RNF31: variants seen among roughly 807,000 people sequenced by gnomAD.
The protein encoded by RNF31 is ring finger protein 31, also known as E3 ubiquitin-protein ligase RNF31.
In RNF31, 38 loss-of-function variants were observed where a neutral mutation model predicts 133.6. The observed-to-expected ratio is 0.28, with a 90% CI of 0.22 to 0.37. The LOEUF (loss-of-function observed/expected upper bound fraction) is 0.37, where lower values mean the gene tolerates loss of function less well. Among genes scored for constraint, RNF31 ranks in the 10% least tolerant of loss-of-function variants. The probability of loss-of-function intolerance (pLI) is 1.00; values close to 1 mark genes in which losing one functional copy is unlikely to be tolerated. For synonymous variants in RNF31, 582 were observed against 552.3 expected, an observed-to-expected ratio of 1.05 and a Z score of -0.75; for missense variants, 1,118 against 1,394.1, an observed-to-expected ratio of 0.80 and a Z score of 3.15.
rs1050303096 is a variant in RNF31 at position 24,155,773 on chromosome 14, G to A, written c.2493+81G>A. ...TTAGACTCAGGGGAGTTTGTGTACT[G>A]GAGAGCAAAACAGACATGAGCTCTG... On this transcript the variant is annotated intron_variant, in intron 14 of 20. Transcript: ENST00000324103. The surrounding 1 kb of genome is among the most constrained non-coding windows in gnomAD (Gnocchi z 4.9). 5.7e-6 allele frequency: 7 copies of A among 1,238,462 alleles called. No individual in the cohort carries two copies. In the African/African-American group the frequency reaches 8.8e-5, roughly 16 times the overall value. The allele number at this position is 1,238,462 out of a possible 1,614,324, so 76.7% of individuals were successfully genotyped here. A position where few individuals can be genotyped will look rare whatever the true frequency, so the allele number is the denominator to read the frequency against.
Position 24,148,258 on chromosome 14 carries a change from G to T in RNF31, c.340G>T (p.Gly114Trp), listed in dbSNP as rs1256588440. 4 of 1,614,028 alleles carry T rather than the reference G, an allele frequency of 2.5e-6. No individual in the cohort carries two copies. The highest frequency in any genetic ancestry group is 2.2e-5 in the East Asian group (1 of 44,892). Residue 114 changes from glycine to tryptophan, a missense_variant and splice_region_variant, in exon 3 of 21, where the codon GGG becomes TGG. Around this residue, in one of 3 missense-constraint regions of RNF31, gnomAD observed 747 missense variants for 827.9 expected, o/e 0.90. Coordinates refer to ENST00000324103, the MANE Select transcript of RNF31 (RefSeq NM_017999.5). ...VFRSTVDAVQ[G>W]GRDVLRLYGY... ...GGTGACTCGTTTGAATGTGTGGCAG[G>T]GGGGCCGAGATGTGCTGCGATTATA...
Position 24,149,681 on chromosome 14 carries a change from A to T in RNF31, c.809+98A>T. 3 of 1,250,722 alleles carry T rather than the reference A, an allele frequency of 2.4e-6. No homozygotes were observed. In the East Asian group the frequency reaches 7.1e-5, roughly 30 times the overall value. 77.5% of individuals were successfully genotyped at this position (1,250,722 alleles called of 1,614,324 possible). ...CAGTTTCTGTGCTAAAGACTGTTTA[A>T]TAGAGGACAAGTAGCCAGTCAGAAC... On this transcript the variant is annotated intron_variant, in intron 6 of 20. Coordinates refer to ENST00000324103, the MANE Select transcript of RNF31 (RefSeq NM_017999.5).
chr14:24,146,961 A>G, upstream of RNF31: 1 of 291,886 alleles, frequency 3.4e-6, no homozygotes, highest in Non-Finnish European at 6.6e-6. Context: ...GGCTCCCCCA[A>G]GAAGGCTCGA....
Position 24,155,428 on chromosome 14 carries a change from A to C in RNF31, c.2319A>C (p.Leu773=), listed in dbSNP as rs370765247. ...CCTGTCCCCAGCTTCGCGAGAGCCT[A>C]GAGCCAGATGCCTATGCGTTGTTCC... ...STLDIQLRES[L]EPDAYALFHK... is the part of the protein sequence containing the mutation. Residue 773 remains leucine, a synonymous_variant, in exon 13 of 21, where the codon CTA becomes CTC. Transcript: ENST00000324103. This position sits in a 1 kb window ranked among gnomAD's most constrained non-coding sequence, Gnocchi z 4.9. The C allele has an allele frequency of 6.2e-7, 1 of 1,614,172 alleles. No homozygotes were observed.
chr14:24,160,067 G>T lies in RNF31; in HGVS notation c.2996+107G>T. 1 of 1,334,808 alleles carries T rather than the reference G, an allele frequency of 7.5e-7. No homozygotes were observed. Among genetic ancestry groups the T allele is most frequent in the Non-Finnish European group, 1.0e-6 (1 of 955,114 alleles). 82.7% of individuals were successfully genotyped at this position (1,334,808 alleles called of 1,614,324 possible). On this transcript the variant is annotated intron_variant, in intron 19 of 20. Transcript: ENST00000324103. This position sits in a 1 kb window ranked among gnomAD's most constrained non-coding sequence, Gnocchi z 4.0. ...TTGGGAGCAGTAGGTCTTGCAGTGG[G>T]TGGGAGGGAGGAGGCTTTCTGGGCA...
chr14:24,160,426 C>G lies in RNF31; in HGVS notation c.3165+19C>G. The stretch of plus-strand genomic sequence containing the variant: ...GTTACAGGTATAGCCTCCACCCAGC[C>G]TCATCTCTTAACCCACCCTACAGAA... On this transcript the variant is annotated intron_variant, in intron 20 of 20. Transcript: ENST00000324103. This position sits in a 1 kb window ranked among gnomAD's most constrained non-coding sequence, Gnocchi z 4.0. 1.2e-6 allele frequency: 2 copies of G among 1,611,170 alleles called. No individual in the cohort carries two copies. The highest frequency in any genetic ancestry group is 8.5e-7 in the Non-Finnish European group (1 of 1,177,788).
intron 14 of RNF31, among the ~76,000 whole-genome samples, chr14:24,156,455 C>T (rs905433486): frequency 6.6e-6 from 1 of 152,270 alleles, no homozygotes; most frequent in East Asian, 1.9e-4. Flanking sequence ...AGGCATGAGC[C>T]ACTATGCCCA....
At chr14:24,154,019 G>A (rs145964309) in intron 11 of RNF31, among the ~76,000 whole-genome samples, 4 of 152,156 alleles carry the variant, frequency 2.6e-5, no homozygotes, top group South Asian at 2.1e-4. Context: ...TTTTTGAGAC[G>A]GAGTCTCGCT....
In RNF31 at chr14:24,159,952, C is replaced by T. The variant is rs762703271; in HGVS notation, c.2988C>T (p.Gly996=). The T allele has an allele frequency of 3.1e-6, 5 of 1,613,576 alleles. No individual in the cohort carries two copies. The Admixed American group carries it at 8.3e-5, about 27-fold the overall frequency. Reference sequence around the variant, plus strand: ...AGGAAACTCCAGCTGGCTATGCCGGCCTGTGCCAGTGAGTGCCAGCAGGAC... The same window carrying T: ...AGGAAACTCCAGCTGGCTATGCCGGTCTGTGCCAGTGAGTGCCAGCAGGAC... ...CGKETPAGYA[G]LCQAHYKEYL... is the part of the protein sequence containing the mutation. The change falls in exon 19 of 21, where the codon GGC becomes GGT. Residue 996 remains glycine, a synonymous_variant. Transcript: ENST00000324103.
Position 24,160,555 on chromosome 14 carries a change from C to G in RNF31, c.3201C>G (p.Ile1067Met). 2 of 1,537,428 alleles carry G rather than the reference C, an allele frequency of 1.3e-6. No individual in the cohort carries two copies. The highest frequency in any genetic ancestry group is 1.4e-5 in the African/African-American group (1 of 72,584). Residue 1067 changes from isoleucine to methionine, a missense_variant, in exon 21 of 21, where the codon ATC (isoleucine) becomes ATG (methionine). This residue lies in a region of RNF31 where 170 missense variants were observed against 194.5 expected (regional missense o/e 0.87). Coordinates refer to ENST00000324103, the MANE Select transcript of RNF31 (RefSeq NM_017999.5). This position sits in a 1 kb window ranked among gnomAD's most constrained non-coding sequence, Gnocchi z 4.0. ...LTEEVPLGQSIPRRRK is the reference protein window; with the variant it reads ...LTEEVPLGQSMPRRRK ...AAGAGGTACCCTTGGGACAGAGTATCCCCCGCAGGCGGAAGTAGCTGAGGG... is the reference window on the plus strand; with the variant it reads ...AAGAGGTACCCTTGGGACAGAGTATGCCCCGCAGGCGGAAGTAGCTGAGGG...
chr14:24,148,262 G>A lies in RNF31; in HGVS notation c.344G>A (p.Gly115Asp). ...ACTCGTTTGAATGTGTGGCAGGGGG[G>A]CCGAGATGTGCTGCGATTATATGGC... ...FRSTVDAVQGGRDVLRLYGYT... is the reference protein window; with the variant it reads ...FRSTVDAVQGDRDVLRLYGYT... The change falls in exon 3 of 21, where the codon GGC (glycine) becomes GAC (aspartate). Residue 115 changes from glycine to aspartate, a missense_variant. Gly to Asp is a moderately conservative substitution (Grantham distance 94). Transcript: ENST00000324103. 1.2e-6 allele frequency: 2 copies of A among 1,614,156 alleles called. No individual in the cohort carries two copies. The highest frequency in any genetic ancestry group is 1.7e-6 in the Non-Finnish European group (2 of 1,180,032).
chr14:24,151,223 A>C lies in RNF31; in HGVS notation c.1581A>C (p.Glu527Asp). ...TEVPLQWLRS[E>D]LPYVLEMVAE... is the part of the protein sequence containing the mutation. ...TGCCTCTGCAGTGGTTGCGCTCAGA[A>C]CTGCCCTACGTCCTGGAGATGGTGG... Residue 527 changes from glutamate to aspartate, a missense_variant, in exon 9 of 21, where the codon GAA (glutamate) becomes GAC (aspartate). Transcript: ENST00000324103. The surrounding 1 kb of genome is among the most constrained non-coding windows in gnomAD (Gnocchi z 5.3). 2 of 1,614,212 alleles carry C rather than the reference A, an allele frequency of 1.2e-6. No homozygotes were observed. Among genetic ancestry groups the C allele is most frequent in the Non-Finnish European group, 1.7e-6 (2 of 1,180,040 alleles).
At chr14:24,156,860 C>CTA (rs2139089779) in intron 14 of RNF31, among the ~76,000 whole-genome samples, 1 of 152,138 alleles carries the variant, frequency 6.6e-6, no homozygotes, top group African/African-American at 2.4e-5. Flanking sequence ...ACACCTGAGA[C>CTA]TACCACAGAA....
At position 24,155,567 on chromosome 14, in the gene RNF31, C is replaced by A; in HGVS notation, c.2404-36C>A. On this transcript the variant is annotated intron_variant, in intron 13 of 20. Coordinates refer to ENST00000324103, the MANE Select transcript of RNF31 (RefSeq NM_017999.5). This position sits in a 1 kb window ranked among gnomAD's most constrained non-coding sequence, Gnocchi z 4.9. ...GGAGGGGCAGGGGATGGTTCCAGGT[C>A]AGGCCTTTGATAACTTTATGCTCTT... is the stretch of plus-strand genomic sequence containing the variant. The A allele has an allele frequency of 6.2e-7, 1 of 1,613,504 alleles. No individual in the cohort carries two copies. Among genetic ancestry groups the A allele is most frequent in the South Asian group, 1.1e-5 (1 of 91,054 alleles).
chr14:24,156,556 G>T (rs2038343272), intron 14 of RNF31, among the ~76,000 whole-genome samples: 1 of 152,146 alleles, frequency 6.6e-6, no homozygotes, highest in Admixed American at 6.5e-5. Flanking sequence ...ATGGTGGGTG[G>T]ATCACTTGAG....
chr14:24,156,790 AAG>A (rs1438280867), intron 14 of RNF31, among the ~76,000 whole-genome samples: 7 of 152,134 alleles, frequency 4.6e-5, no homozygotes, highest in Non-Finnish European at 1.0e-4. Context: ...AAAAAAAAAA[AAG>A]AAGTGTAATA....
intron 2 of RNF31, 55 bp downstream of exon 2, chr14:24,148,177 G>A: frequency 1.2e-6 from 2 of 1,613,256 alleles, no homozygotes; most frequent in Non-Finnish European, 1.7e-6. Flanking sequence ...GAAAAGGCCT[G>A]AGGTTGTGCT....
At chr14:24,150,037 G>A (rs764260202) in intron 6 of RNF31, 24 bp from the exon 7 acceptor site, 1 of 1,534,418 alleles carries the variant, frequency 6.5e-7, no homozygotes, top group East Asian at 2.3e-5. Flanking sequence ...ACTTCAGCAG[G>A]CCATGTCTGC....
In RNF31 at chr14:24,151,593, C is replaced by A. The variant is rs374504041; in HGVS notation, c.1846C>A (p.Arg616Ser). The A allele has an allele frequency of 6.2e-7, 1 of 1,614,064 alleles. No homozygotes were observed. Among genetic ancestry groups the A allele is most frequent in the Non-Finnish European group, 8.5e-7 (1 of 1,180,044 alleles). The change falls in exon 10 of 21, where the codon CGC becomes AGC. Residue 616 changes from arginine to serine, a missense_variant. Transcript: ENST00000324103. The surrounding 1 kb of genome is among the most constrained non-coding windows in gnomAD (Gnocchi z 5.3). ...SRALTELQRQ[R>S]LEPFRQRLWD... is the part of the protein sequence containing the mutation. ...GGCCCTGACTGAGCTACAGCGCCAA[C>A]GCCTAGAGCCCTTCCGCCAGCGCCT...
Sources: gnomAD v4.1 joint callset for allele counts (sites outside exome capture counted in the v4.1 genomes callset) on GRCh38, gnomAD v4.1.1 for gene constraint, gnomAD v4.1.1 regional missense constraint, Gnocchi (gnomAD v3.1) non-coding constraint, MANE v1.5 for transcripts, NCBI Gene and HGNC (gene_info 2026-07-23, HGNC 2026-07-21) for gene names.